SNX7: variants seen among roughly 807,000 people sequenced by gnomAD.
SNX7 encodes sorting nexin-7.
In SNX7, 35 loss-of-function variants were observed where a neutral mutation model predicts 48.4. The observed-to-expected ratio is 0.72, with a 90% CI of 0.55 to 0.96. The LOEUF is 0.96. Ranked by LOEUF, SNX7 falls within the 40% of genes least tolerant of loss-of-function variation. The probability of loss-of-function intolerance (pLI) is 0.00; values close to 1 mark genes in which losing one functional copy is unlikely to be tolerated. For missense variants in SNX7, 553 were observed against 548.9 expected (o/e 1.01, Z -0.07); for synonymous variants, 190 against 190.2 (o/e 1.00, Z 0.01).
intron 8 of SNX7, among the ~76,000 whole-genome samples, chr1:98,739,182 A>G (rs1015221113): frequency 2.0e-5 from 3 of 152,046 alleles, no homozygotes. Context: ...CGCAGTTCAC[A>G]ATAGCGTTCA....
At chr1:98,697,031 G>A (rs1196257159) in intron 5 of SNX7, among the ~76,000 whole-genome samples, 2 of 152,032 alleles carry the variant, frequency 1.3e-5, no homozygotes, top group African/African-American at 4.8e-5. Flanking sequence ...TAGAATTTTA[G>A]GGCAGCTTTG....
At chr1:98,669,387 C>T (rs1649722470) in intron 1 of SNX7, among the ~76,000 whole-genome samples, 1 of 152,138 alleles carries the variant, frequency 6.6e-6, no homozygotes, top group South Asian at 2.1e-4. Flanking sequence ...AATATTCTGC[C>T]CCCATTCTAT....
At position 98,698,906 on chromosome 1, in the gene SNX7, G is replaced by C; in HGVS notation, c.1038+1G>C. ...CGTGCTTTATAGTGAAATGTTAATG[G>C]TAAGAACACCTAATTCTAATTTTAC... is the stretch of plus-strand genomic sequence containing the variant. On this transcript the variant is annotated splice_donor_variant, in intron 6 of 8. Coordinates refer to ENST00000306121, the MANE Select transcript of SNX7 (RefSeq NM_015976.5). LOFTEE classifies it high-confidence loss of function. The C allele has an allele frequency of 6.2e-7, 1 of 1,613,028 alleles. No individual in the cohort carries two copies. Among genetic ancestry groups the C allele is most frequent in the Non-Finnish European group, 8.5e-7 (1 of 1,179,178 alleles).
At chr1:98,720,038 T>C (rs908158617) in intron 7 of SNX7, among the ~76,000 whole-genome samples, 2 of 151,720 alleles carry the variant, frequency 1.3e-5, no homozygotes, top group Non-Finnish European at 2.9e-5. Context: ...CGAAATATAC[T>C]TAATTCGTTT....
At chr1:98,684,811 A>T (rs937827097) in intron 1 of SNX7, 74 bp from the exon 2 acceptor site, 61 of 1,048,974 alleles carry the variant, frequency 5.8e-5, no homozygotes, top group South Asian at 2.1e-4. Context: ...TATTTCATTA[A>T]TATTGATAGC....
At chr1:98,701,121 C>T (rs569485373) in intron 6 of SNX7, among the ~76,000 whole-genome samples, 8 of 152,096 alleles carry the variant, frequency 5.3e-5, no homozygotes, top group Non-Finnish European at 7.4e-5. Flanking sequence ...TGTAAAAGTT[C>T]GGCAAAAATG....
rs1649248887 is a variant in SNX7 at position 98,661,912 on chromosome 1, G to C, written c.180+1G>C. 8.0e-7 allele frequency: 1 copy of C among 1,247,198 alleles called. No individual in the cohort carries two copies. The highest frequency in any genetic ancestry group is 1.0e-6 in the Non-Finnish European group (1 of 987,504). 77.3% of individuals were successfully genotyped at this position (1,247,198 alleles called of 1,614,324 possible). On this transcript the variant is annotated splice_donor_variant, in intron 1 of 8. Transcript: ENST00000306121. LOFTEE classifies it high-confidence loss of function. The stretch of plus-strand genomic sequence containing the variant: ...GGACGACCTGGAGGTGTTCAGCAAG[G>C]TGAGGGCGGCGGCGGCGAGTCCCGG...
intron 7 of SNX7, among the ~76,000 whole-genome samples, chr1:98,723,408 A>T (rs967195596): frequency 6.6e-6 from 1 of 151,796 alleles, no homozygotes; most frequent in East Asian, 1.9e-4. Context: ...TAAGTACCTT[A>T]TTTTTTTGGC....
chr1:98,710,120 G>C (rs146240351), intron 7 of SNX7, among the ~76,000 whole-genome samples: 1 of 152,090 alleles, frequency 6.6e-6, no homozygotes, highest in Non-Finnish European at 1.5e-5. Context: ...ACCTGAACAC[G>C]GAATGACTCA....
At chr1:98,680,878 A>G (rs888493540) in intron 1 of SNX7, among the ~76,000 whole-genome samples, 6 of 152,202 alleles carry the variant, frequency 3.9e-5, no homozygotes, top group African/African-American at 1.4e-4. Context: ...TCCTGTCTTC[A>G]TCTGAGCTCT....
intron 2 of SNX7, among the ~76,000 whole-genome samples, chr1:98,687,415 C>A (rs56388118): frequency 0.012 from 1,805 of 151,978 alleles, 28 homozygotes; most frequent in African/African-American, 0.041. Context: ...TAGACTATAT[C>A]TATATATACA....
chr1:98,725,143 T>G lies in SNX7; in HGVS notation c.1126-13094T>G, dbSNP rs1653098365. ...CAAAATTTCTTTAAGCTCTCCTGTT[T>G]TAAATCTTGTGTGAATATCACTACT... On this transcript the variant is annotated intron_variant, in intron 7 of 8. Coordinates refer to ENST00000306121, the MANE Select transcript of SNX7 (RefSeq NM_015976.5). Among the ~76,000 whole-genome samples, 3 of 152,292 alleles carry G rather than the reference T, an allele frequency of 2.0e-5. No individual in the cohort carries two copies. The South Asian group carries it at 6.2e-4, about 32-fold the overall frequency.
At position 98,736,396 on chromosome 1, in the gene SNX7, C is replaced by T. The variant is rs572259646; in HGVS notation, c.1126-1841C>T. Among the ~76,000 whole-genome samples the T allele has an allele frequency of 1.8e-4, 28 of 152,286 alleles. No homozygotes were observed. In the South Asian group the frequency reaches 3.3e-3, roughly 18 times the overall value. ...GGCTCTCTAACGTCCCTGAGGTCTCCTAGCAGACCCAGATCCTGTTTGAGT... is the reference window on the plus strand; with the variant it reads ...GGCTCTCTAACGTCCCTGAGGTCTCTTAGCAGACCCAGATCCTGTTTGAGT... On this transcript the variant is annotated intron_variant, in intron 7 of 8. Transcript: ENST00000306121.
intron 1 of SNX7, among the ~76,000 whole-genome samples, chr1:98,663,342 C>T (rs1309336779): frequency 7.7e-6 from 1 of 129,682 alleles, no homozygotes; most frequent in Non-Finnish European, 1.5e-5. Context: ...CCTCCAGCAC[C>T]CAAAGGGTTT....
At chr1:98,724,151 G>A (rs9729995) in intron 7 of SNX7, among the ~76,000 whole-genome samples, 143,227 of 152,150 alleles carry the variant, frequency 0.94, 67,778 homozygotes, top group Non-Finnish European at 0.99. Flanking sequence ...TTAATATCGA[G>A]CTTTCAGAAT....
intron 1 of SNX7, among the ~76,000 whole-genome samples, chr1:98,670,214 T>C (rs1649776839): frequency 6.6e-6 from 1 of 152,152 alleles, no homozygotes; most frequent in Non-Finnish European, 1.5e-5. Context: ...ATTTAGATTA[T>C]ATTAGAAGAA....
chr1:98,757,927 A>G (rs888725753), intron 8 of SNX7, among the ~76,000 whole-genome samples: 2 of 152,076 alleles, frequency 1.3e-5, no homozygotes, highest in African/African-American at 4.8e-5. Flanking sequence ...TTCAGTGATT[A>G]CTTCCACTAG....
chr1:98,743,966 C>G (rs2101043254), intron 8 of SNX7, among the ~76,000 whole-genome samples: 1 of 152,088 alleles, frequency 6.6e-6, no homozygotes, highest in African/African-American at 2.4e-5. Flanking sequence ...CATTTAGATT[C>G]CTGTCAGAAA....
At chr1:98,676,848 A>G (rs1431175601) in intron 1 of SNX7, among the ~76,000 whole-genome samples, 3 of 152,224 alleles carry the variant, frequency 2.0e-5, no homozygotes, top group Non-Finnish European at 4.4e-5. Context: ...GAAAGGCTGA[A>G]TTAGTGGTTC....
Sources: gnomAD v4.1 joint callset for allele counts (sites outside exome capture counted in the v4.1 genomes callset) on GRCh38, gnomAD v4.1.1 for gene constraint, MANE v1.5 for transcripts, NCBI Gene and HGNC (gene_info 2026-07-23, HGNC 2026-07-21) for gene names.